The following TRPM3 variants were observed in gnomAD, a reference collection of about 807,000 sequenced individuals.
The protein encoded by TRPM3 is long transient receptor potential channel 3.
In TRPM3, 77 loss-of-function variants were observed where a neutral mutation model predicts 181.2. The ratio of observed to expected loss-of-function variants is 0.42; its 90% CI spans 0.35 to 0.51. The LOEUF (loss-of-function observed/expected upper bound fraction) is 0.51, where lower values mean the gene tolerates loss of function less well. TRPM3 is among the 20% of genes least tolerant of loss of function. The pLI is 0.01. For synonymous variants in TRPM3, 745 were observed against 796.4 expected, an observed-to-expected ratio of 0.94 and a Z score of 1.09; for missense variants, 1,759 against 2,196.7, an observed-to-expected ratio of 0.80 and a Z score of 3.98.
intron 1 of TRPM3, among the ~76,000 whole-genome samples, chr9:70,998,121 T>TTATATATATACATATATATACACA: frequency 7.6e-6 from 1 of 131,550 alleles, no homozygotes; most frequent in Non-Finnish European, 1.7e-5. Flanking sequence ...CTCTAATTGT[T>TTATATATATACATATATATACACA]TATATATATA....
Position 70,892,116 on chromosome 9 carries a change from T to G in TRPM3, c.178-27605A>C, listed in dbSNP as rs564989765. On this transcript the variant is annotated intron_variant, in intron 1 of 25. Coordinates refer to ENST00000677713, the MANE Select transcript of TRPM3 (RefSeq NM_001366145.2). ...AAAAGGAAAGAGATACTGAGAGGACTTTTAATTCTCAGAATGAATCGCCCA... is the reference window on the plus strand; with the variant it reads ...AAAAGGAAAGAGATACTGAGAGGACGTTTAATTCTCAGAATGAATCGCCCA... 2.0e-5 allele frequency among the ~76,000 whole-genome samples: 3 copies of G among 152,344 alleles called. No individual in the cohort carries two copies. In the East Asian group the frequency reaches 5.8e-4, roughly 29 times the overall value.
At chr9:70,606,244 A>G (rs7862782) in intron 19 of TRPM3, among the ~76,000 whole-genome samples, 17,404 of 152,188 alleles carry the variant, frequency 0.11, 1,094 homozygotes, top group East Asian at 0.25. Context: ...TAGAGGCCCA[A>G]TAAATGCTGG....
chr9:70,633,903 A>G (rs539095768), intron 12 of TRPM3, among the ~76,000 whole-genome samples: 49 of 152,262 alleles, frequency 3.2e-4, no homozygotes, highest in Admixed American at 1.3e-4. Flanking sequence ...ATGGGCACAT[A>G]GGTAAGGGGC....
At chr9:71,299,043 C>T (rs1045776668) in intron 1 of TRPM3, among the ~76,000 whole-genome samples, 1 of 151,796 alleles carries the variant, frequency 6.6e-6, no homozygotes, top group Non-Finnish European at 1.5e-5. Flanking sequence ...AATGTTGAAC[C>T]TAGAAAACAT....
intron 1 of TRPM3, among the ~76,000 whole-genome samples, chr9:71,220,209 G>A (rs1325495338): frequency 6.6e-6 from 1 of 152,102 alleles, no homozygotes; most frequent in African/African-American, 2.4e-5. Flanking sequence ...TTTGACACTA[G>A]CAACTCTCTC....
intron 9 of TRPM3, 56 bp from the exon 10 acceptor site, chr9:70,640,716 T>C: frequency 5.7e-6 from 8 of 1,400,176 alleles, no homozygotes; most frequent in East Asian, 2.3e-5. Flanking sequence ...CGATCAGTTA[T>C]TACACCAAGA....
intron 1 of TRPM3, among the ~76,000 whole-genome samples, chr9:71,366,980 T>C (rs1265192420): frequency 6.6e-6 from 1 of 152,176 alleles, no homozygotes; most frequent in Admixed American, 6.5e-5. Context: ...GTCAGGCAGA[T>C]AGAGGCATTA....
At chr9:71,312,351 A>G (rs897632412) in intron 1 of TRPM3, among the ~76,000 whole-genome samples, 3 of 152,142 alleles carry the variant, frequency 2.0e-5, no homozygotes, top group African/African-American at 4.8e-5. Flanking sequence ...CAGGAATGAG[A>G]TATTACTGCA....
intron 1 of TRPM3, among the ~76,000 whole-genome samples, chr9:71,303,155 T>C (rs971822529): frequency 5.3e-5 from 8 of 152,192 alleles, no homozygotes; most frequent in African/African-American, 7.2e-5. Context: ...AGCTTCTCCA[T>C]CTTCCCTAAG....
chr9:71,054,125 T>C (rs182344949), intron 1 of TRPM3, among the ~76,000 whole-genome samples: 3 of 152,238 alleles, frequency 2.0e-5, no homozygotes, highest in East Asian at 1.9e-4. Flanking sequence ...GTAGCTGGCA[T>C]TGGGGCAGAA....
chr9:70,582,529 A>G (rs2056135455), intron 22 of TRPM3, among the ~76,000 whole-genome samples: 2 of 152,218 alleles, frequency 1.3e-5, no homozygotes, highest in Admixed American at 6.5e-5. Context: ...GCTCTCACAG[A>G]GCTGGCATTC....
chr9:71,084,058 AAGG>A (rs887068548), intron 1 of TRPM3, among the ~76,000 whole-genome samples: 34 of 152,086 alleles, frequency 2.2e-4, no homozygotes, highest in African/African-American at 7.5e-4. Context: ...TCTACAGAAG[AAGG>A]AGATTTTTGA....
rs554933660 is a variant in TRPM3 at position 71,335,558 on chromosome 9, T to C, written c.183+111095A>G. ...TGATATGAAACAATTCTGAATATAA[T>C]TGCTGAAATTAAATTTCCTATTTTT... On this transcript the variant is annotated intron_variant, in intron 1 of 24. Transcript: ENST00000357533. Among the ~76,000 whole-genome samples the C allele has an allele frequency of 1.2e-4, 19 of 152,220 alleles. 1 individual carries two copies. Among genetic ancestry groups the C allele is most frequent in the Middle Eastern group, 3.4e-3 (1 of 294 alleles).
intron 1 of TRPM3, among the ~76,000 whole-genome samples, chr9:71,326,409 T>A (rs1177961962): frequency 3.3e-5 from 5 of 152,324 alleles, no homozygotes; most frequent in South Asian, 4.1e-4. Context: ...TATGTGTATA[T>A]GCATGCATGT....
intron 22 of TRPM3, among the ~76,000 whole-genome samples, chr9:70,564,045 T>C (rs1431962920): frequency 2.0e-5 from 3 of 152,176 alleles, no homozygotes; most frequent in Non-Finnish European, 2.9e-5. Context: ...TCAGTTTCCT[T>C]GCCTAGTAGT....
chr9:70,549,502 C>A (rs1423249504), intron 25 of TRPM3, 40 bp downstream of exon 25: 2 of 1,584,736 alleles, frequency 1.3e-6, no homozygotes, highest in Admixed American at 1.8e-5. Flanking sequence ...CATGCCTTGG[C>A]ACAACACATC....
Position 70,761,626 on chromosome 9 carries a change from A to G in TRPM3, c.1247T>C (p.Met416Thr). The G allele has an allele frequency of 2.5e-6, 4 of 1,614,000 alleles. No homozygotes were observed. The highest frequency in any genetic ancestry group is 2.5e-6 in the Non-Finnish European group (3 of 1,179,936). The change falls in exon 8 of 26, where the codon ATG becomes ACG. Residue 416 changes from methionine to threonine, a missense_variant. Physicochemically the swap from Met to Thr is moderately conservative, Grantham distance 81. Coordinates refer to ENST00000677713, the MANE Select transcript of TRPM3 (RefSeq NM_001366145.2). ...CAATTCCTTCTTCTTCATGCACTCCATGAGGATGATGAACAGATGCTGAGC... is the reference window on the plus strand; with the variant it reads ...CAATTCCTTCTTCTTCATGCACTCCGTGAGGATGATGAACAGATGCTGAGC... ...TQAQHLFIIL[M>T]ECMKKKELIT... is the part of the protein sequence containing the mutation.
chr9:70,945,958 T>C (rs1671869231), intron 1 of TRPM3, among the ~76,000 whole-genome samples: 1 of 150,242 alleles, frequency 6.7e-6, no homozygotes, highest in South Asian at 2.1e-4. Flanking sequence ...TAACAAACTC[T>C]GTTGACCCTG....
chr9:70,789,883 G>T (rs2130971000), intron 6 of TRPM3, among the ~76,000 whole-genome samples: 1 of 152,314 alleles, frequency 6.6e-6, no homozygotes, highest in Admixed American at 6.5e-5. Context: ...TTCAGCCGGG[G>T]CTCCCAATAA....
Sources: allele counts gnomAD v4.1 joint callset (sites outside exome capture counted in the v4.1 genomes callset), GRCh38; gene constraint gnomAD v4.1.1; transcripts MANE v1.5; gene names NCBI Gene and HGNC (gene_info 2026-07-23, HGNC 2026-07-21).